The following KLHL6 variants were observed in gnomAD, a reference collection of about 807,000 sequenced individuals.
The protein encoded by KLHL6 is kelch like family member 6, also known as kelch-like protein 6.
Under a neutral mutation model 58.6 loss-of-function variants are expected in KLHL6, and 41 were observed. The ratio of observed to expected loss-of-function variants is 0.70; its 90% CI spans 0.55 to 0.91. The LOEUF (loss-of-function observed/expected upper bound fraction) is 0.91. KLHL6 is among the 40% of genes least tolerant of loss of function. KLHL6 has a pLI of 0.00. For synonymous variants in KLHL6, 338 were observed against 322.7 expected (o/e 1.05, Z -0.51); for missense variants, 714 against 805.6 (o/e 0.89, Z 1.38).
chr3:183,550,008 G>C (rs1712855815), intron 1 of KLHL6, among the ~76,000 whole-genome samples: 1 of 151,918 alleles, frequency 6.6e-6, no homozygotes, highest in Non-Finnish European at 1.5e-5. Flanking sequence ...AAAAACAGAA[G>C]AGTGGTTTTT....
In KLHL6 at chr3:183,492,069, G is replaced by A. The variant is rs1235096837; in HGVS notation, c.1724C>T (p.Thr575Met). ...GGCCTCGGGGTCCCAGCACAGCACC[G>A]TGGCGATAACCTCGTTCTTCTCGTC... ...GRDEKNEVIATVLCWDPEAQK... is the reference protein window; with the variant it reads ...GRDEKNEVIAMVLCWDPEAQK... The change falls in exon 7 of 7, where the codon ACG (threonine) becomes ATG (methionine). Residue 575 changes from threonine to methionine, a missense_variant. Coordinates refer to ENST00000341319, the MANE Select transcript of KLHL6 (RefSeq NM_130446.4). The surrounding 1 kb of genome is among the most constrained non-coding windows in gnomAD (Gnocchi z 5.9). 1.2e-6 allele frequency: 2 copies of A among 1,613,992 alleles called. No individual in the cohort carries two copies. The highest frequency in any genetic ancestry group is 1.7e-6 in the Non-Finnish European group (2 of 1,180,008).
chr3:183,494,148 T>C lies in KLHL6; in HGVS notation c.1281A>G (p.Gly427=). ...TGATTCTCTGTAAGCCGTCAAAGCC[T>C]CCGATCACATAGACCTTGCCACCCA... ...VVLGGKVYVI[G]GFDGLQRINN... is the part of the protein sequence containing the mutation. Residue 427 remains glycine, a synonymous_variant, in exon 5 of 7, where the codon GGA becomes GGG. Coordinates refer to ENST00000341319, the MANE Select transcript of KLHL6 (RefSeq NM_130446.4). The C allele has an allele frequency of 6.2e-7, 1 of 1,614,190 alleles. No individual in the cohort carries two copies. The highest frequency in any genetic ancestry group is 8.5e-7 in the Non-Finnish European group (1 of 1,180,034).
At chr3:183,553,153 AGAG>A (rs1178549370) in intron 1 of KLHL6, among the ~76,000 whole-genome samples, 1 of 152,220 alleles carries the variant, frequency 6.6e-6, no homozygotes, top group Non-Finnish European at 1.5e-5. Flanking sequence ...ACTTCTCTGA[AGAG>A]AAGAATTGAA....
intron 2 of KLHL6, among the ~76,000 whole-genome samples, chr3:183,523,924 T>A (rs1040166684): frequency 6.6e-6 from 1 of 152,086 alleles, no homozygotes; most frequent in African/African-American, 2.4e-5. Flanking sequence ...CACACCTGGC[T>A]AATTTTTTGT....
chr3:183,543,890 G>A (rs1290621077), intron 1 of KLHL6, among the ~76,000 whole-genome samples: 2 of 152,180 alleles, frequency 1.3e-5, no homozygotes, highest in African/African-American at 4.8e-5. Context: ...CAGGCCGGGT[G>A]TGGTGGCTCA....
Position 183,499,887 on chromosome 3 carries a change from A to G in KLHL6, c.910-60T>C. 7.4e-7 allele frequency: 1 copy of G among 1,353,876 alleles called. No individual in the cohort carries two copies. The highest frequency in any genetic ancestry group is 1.0e-6 in the Non-Finnish European group (1 of 996,648). The allele number at this position is 1,353,876 out of a possible 1,614,324, so 83.9% of individuals were successfully genotyped here. A position where few individuals can be genotyped will look rare whatever the true frequency, so the allele number is the denominator to read the frequency against. ...AACACAAAGTTTCAGAGCTCGGGCT[A>G]TGGAGCCATTAGGAGTCGGGTCCAA... is the stretch of plus-strand genomic sequence containing the variant. On this transcript the variant is annotated intron_variant, in intron 3 of 6. Transcript: ENST00000341319. This position sits in a 1 kb window ranked among gnomAD's most constrained non-coding sequence, Gnocchi z 4.6.
intron 1 of KLHL6, among the ~76,000 whole-genome samples, chr3:183,539,953 A>G (rs1712498504): frequency 6.6e-6 from 1 of 152,234 alleles, no homozygotes; most frequent in South Asian, 2.1e-4. Context: ...AAGAAAGAAC[A>G]TCAATTACAA....
At chr3:183,507,978 C>T (rs1287478024) in intron 3 of KLHL6, 81 bp downstream of exon 3, 7 of 1,270,178 alleles carry the variant, frequency 5.5e-6, no homozygotes, top group South Asian at 2.9e-5. Flanking sequence ...TTTTTGAATC[C>T]GCTTTGCTTG....
intron 3 of KLHL6, 60 bp downstream of exon 3, chr3:183,507,999 A>G: frequency 6.9e-7 from 1 of 1,452,418 alleles, no homozygotes; most frequent in Non-Finnish European, 9.5e-7. Context: ...CATCTCTGTG[A>G]GCCCCTAGCT....
At chr3:183,526,182 A>C (rs1326609672) in intron 2 of KLHL6, among the ~76,000 whole-genome samples, 2 of 152,128 alleles carry the variant, frequency 1.3e-5, no homozygotes, top group East Asian at 3.9e-4. Flanking sequence ...GTGGTGGCAC[A>C]TGCCTGTAAT....
Position 183,555,649 on chromosome 3 carries a change from A to G in KLHL6, c.5T>C (p.Leu2Ser), listed in dbSNP as rs1283649444. The change falls in exon 1 of 7, where the codon TTG (leucine) becomes TCG (serine). Residue 2 changes from leucine (L) to serine (S), a missense_variant. Leu to Ser is a moderately radical substitution (Grantham distance 145). This residue lies in a region of KLHL6 where 204 missense variants were observed against 175.9 expected (regional missense o/e 1.16). Transcript: ENST00000341319. ...CCAGGCGCCCCTTTGTCCTGCCATC[A>G]ACATCGAGACTGAAGGAGCGCCCAA... M[L>S]MAGQRGAWTM... 6.9e-6 allele frequency: 11 copies of G among 1,589,384 alleles called. No individual in the cohort carries two copies. The highest frequency in any genetic ancestry group is 9.4e-6 in the Non-Finnish European group (11 of 1,169,166).
chr3:183,532,691 T>C (rs1018135694), intron 1 of KLHL6, among the ~76,000 whole-genome samples: 5 of 152,132 alleles, frequency 3.3e-5, no homozygotes, highest in African/African-American at 1.2e-4. Context: ...AGCAGACATG[T>C]GATTCAGTTG....
intron 1 of KLHL6, among the ~76,000 whole-genome samples, chr3:183,543,047 C>A (rs973300783): frequency 2.0e-5 from 3 of 152,184 alleles, no homozygotes; most frequent in African/African-American, 7.2e-5. Flanking sequence ...AATCCCAGCA[C>A]TTTGGGAGGC....
chr3:183,539,216 C>T (rs1349472111), intron 1 of KLHL6, among the ~76,000 whole-genome samples: 2 of 152,148 alleles, frequency 1.3e-5, no homozygotes, highest in African/African-American at 2.4e-5. Context: ...AGATATGTTT[C>T]GGAAAGTCCT....
intron 1 of KLHL6, chr3:183,548,667 G>T (rs578170949): frequency 3.0e-4 from 45 of 152,278 alleles, no homozygotes; most frequent in African/African-American, 1.1e-3. Flanking sequence ...GCAGAAAAGT[G>T]GGGCAAGAGA....
At chr3:183,513,818 G>A (rs192264515) in intron 2 of KLHL6, among the ~76,000 whole-genome samples, 1 of 152,078 alleles carries the variant, frequency 6.6e-6, no homozygotes, top group East Asian at 1.9e-4. Context: ...CCGTCATCTA[G>A]GTTTTAAGCC....
rs373028510 is a variant in KLHL6, at chr3:183,526,098, G to A, written c.459+1747C>T. On this transcript the variant is annotated intron_variant, in intron 2 of 6. Coordinates refer to ENST00000341319, the MANE Select transcript of KLHL6 (RefSeq NM_130446.4). ...CGAGGCGGGCGGATCACCTGAGGTC[G>A]GGAGTTCGAGACCAGCCTGGCCAAC... Among the ~76,000 whole-genome samples, 304 of 151,932 alleles carry A rather than the reference G, an allele frequency of 2.0e-3. 2 individuals are homozygous for A. Among genetic ancestry groups the A allele is most frequent in the East Asian group, 0.014 (73 of 5,176 alleles).
intron 2 of KLHL6, among the ~76,000 whole-genome samples, chr3:183,523,456 AG>A (rs1711839967): frequency 3.3e-5 from 5 of 152,344 alleles, no homozygotes; most frequent in Admixed American, 2.6e-4. Context: ...GGCCCAGGCC[AG>A]ATGACCAAGC....
At chr3:183,540,653 C>G (rs1353687146) in intron 1 of KLHL6, among the ~76,000 whole-genome samples, 9 of 152,150 alleles carry the variant, frequency 5.9e-5, no homozygotes. Flanking sequence ...ATCCTCCCAC[C>G]TCAGCCTCCG....
Sources: gnomAD v4.1 joint callset for allele counts (sites outside exome capture counted in the v4.1 genomes callset) on GRCh38, gnomAD v4.1.1 for gene constraint, gnomAD v4.1.1 regional missense constraint, Gnocchi (gnomAD v3.1) non-coding constraint, MANE v1.5 for transcripts, NCBI Gene and HGNC (gene_info 2026-07-23, HGNC 2026-07-21) for gene names.